Variants in FRMD3 observed in about 807,000 individuals in gnomAD.
The protein encoded by FRMD3 is FERM domain-containing protein 3.
FRMD3 carries 33 observed loss-of-function variants against 70.2 expected under a neutral mutation model. That is an observed-to-expected ratio of 0.47 (90% CI 0.36 to 0.63). The LOEUF (loss-of-function observed/expected upper bound fraction) is 0.63, where lower values mean the gene tolerates loss of function less well. FRMD3 is among the 20% of genes least tolerant of loss of function. The pLI, the probability that FRMD3 is intolerant of heterozygous loss-of-function variation, is 0.00. For missense variants in FRMD3, 632 were observed against 711.4 expected, an observed-to-expected ratio of 0.89 and a Z score of 1.27; for synonymous variants, 279 against 255.9, an observed-to-expected ratio of 1.09 and a Z score of -0.86.
intron 3 of FRMD3, among the ~76,000 whole-genome samples, chr9:83,350,185 C>G (rs1437806353): frequency 6.6e-6 from 1 of 152,120 alleles, no homozygotes; most frequent in Non-Finnish European, 1.5e-5. Flanking sequence ...AAAAAAATGT[C>G]ACTGCACATG....
At chr9:83,261,377 G>A (rs1587638145) in intron 13 of FRMD3, among the ~76,000 whole-genome samples, 1 of 151,994 alleles carries the variant, frequency 6.6e-6, no homozygotes. Flanking sequence ...TTGACACCAT[G>A]GTCAGTTGCT....
In FRMD3 at chr9:83,324,687, T is replaced by A. The variant is rs1016422786; in HGVS notation, c.596+10829A>T. Among the ~76,000 whole-genome samples the A allele has an allele frequency of 3.9e-5, 6 of 152,214 alleles. No homozygotes were observed. The East Asian group carries it at 1.2e-3, about 29-fold the overall frequency. ...TCCACAATTCCAAGCAGCATAACAT[T>A]TTTTATATTGCCAGGCATATACATA... On this transcript the variant is annotated intron_variant, in intron 6 of 13. Coordinates refer to ENST00000304195, the MANE Select transcript of FRMD3 (RefSeq NM_174938.6).
chr9:83,265,507 A>G (rs1245814048), intron 13 of FRMD3, among the ~76,000 whole-genome samples: 4 of 152,104 alleles, frequency 2.6e-5, no homozygotes, highest in African/African-American at 9.6e-5. Context: ...TAAAATATAA[A>G]GGATTAATAT....
chr9:83,495,373 G>C (rs917562352), intron 1 of FRMD3, among the ~76,000 whole-genome samples: 1 of 152,156 alleles, frequency 6.6e-6, no homozygotes, highest in African/African-American at 2.4e-5. Flanking sequence ...TGGTGCCCTT[G>C]GTAAGGGGAC....
intron 1 of FRMD3, among the ~76,000 whole-genome samples, chr9:83,445,379 T>TAGATAGATAGATAGATAGAC (rs1554706371): frequency 1.6e-4 from 24 of 150,976 alleles, no homozygotes; most frequent in East Asian, 3.9e-4. Flanking sequence ...GATAGATAGA[T>TAGATAGATAGATAGATAGAC]AGACAGATAG....
chr9:83,492,177 C>T (rs1046034692), intron 1 of FRMD3, among the ~76,000 whole-genome samples: 1 of 152,132 alleles, frequency 6.6e-6, no homozygotes, highest in Non-Finnish European at 1.5e-5. Flanking sequence ...CATTAATGTC[C>T]TAACAGAGGA....
At chr9:83,473,224 C>T (rs1453243788) in intron 1 of FRMD3, among the ~76,000 whole-genome samples, 1 of 152,156 alleles carries the variant, frequency 6.6e-6, no homozygotes, top group Non-Finnish European at 1.5e-5. Context: ...GCCCCTGGCC[C>T]ACCTTGCCTC....
intron 6 of FRMD3, among the ~76,000 whole-genome samples, chr9:83,329,771 C>T (rs1400938000): frequency 6.6e-6 from 1 of 152,126 alleles, no homozygotes; most frequent in East Asian, 1.9e-4. Context: ...TGCTTTACTG[C>T]CAATTGAGCC....
Position 83,469,531 on chromosome 9 carries a change from T to C in FRMD3, c.147+68554A>G, listed in dbSNP as rs191625062. 1.4e-3 allele frequency among the ~76,000 whole-genome samples: 212 copies of C among 152,368 alleles called. 1 individual carries two copies. The highest frequency in any genetic ancestry group is 4.9e-3 in the African/African-American group (205 of 41,594). On this transcript the variant is annotated intron_variant, in intron 1 of 13. Transcript: ENST00000304195. ...TGCCTGGTGAGAAAAAGGAGTCATC[T>C]CTTATTCATGAGGCTATCACTCACT...
At chr9:83,459,858 T>G (rs1042194886) in intron 1 of FRMD3, among the ~76,000 whole-genome samples, 1 of 152,236 alleles carries the variant, frequency 6.6e-6, no homozygotes, top group Non-Finnish European at 1.5e-5. Context: ...GCCAGTAGGA[T>G]GGGGGCCTGG....
chr9:83,303,784 T>TA (rs1174212387), intron 10 of FRMD3, among the ~76,000 whole-genome samples: 2 of 152,148 alleles, frequency 1.3e-5, no homozygotes, highest in African/African-American at 4.8e-5. Context: ...TTCATGAAGT[T>TA]AAAAAAAGAA....
chr9:83,489,606 A>G (rs1346737482), intron 1 of FRMD3, among the ~76,000 whole-genome samples: 2 of 152,162 alleles, frequency 1.3e-5, no homozygotes, highest in African/African-American at 4.8e-5. Flanking sequence ...ATCAAAAAAT[A>G]ACAGATGCTA....
intron 2 of FRMD3, among the ~76,000 whole-genome samples, chr9:83,381,842 G>C (rs1825365514): frequency 6.6e-6 from 1 of 151,994 alleles, no homozygotes; most frequent in African/African-American, 2.4e-5. Flanking sequence ...GATCTACATG[G>C]ATCTCTTTCA....
intron 1 of FRMD3, among the ~76,000 whole-genome samples, chr9:83,487,242 G>C (rs968793420): frequency 6.6e-6 from 1 of 152,104 alleles, no homozygotes; most frequent in South Asian, 2.1e-4. Flanking sequence ...ATTATAAAAG[G>C]CCACTGAAAA....
intron 3 of FRMD3, among the ~76,000 whole-genome samples, chr9:83,369,576 CAAAATAAATAAATAAA>C (rs1824902676): frequency 1.0e-5 from 1 of 99,726 alleles, no homozygotes; most frequent in African/African-American, 3.8e-5. Context: ...GACTCTGTCT[CAAAATAAATAAATAAA>C]TAAATAAATA....
At chr9:83,421,792 G>C (rs1826650884) in intron 1 of FRMD3, among the ~76,000 whole-genome samples, 2 of 152,220 alleles carry the variant, frequency 1.3e-5, no homozygotes, top group Non-Finnish European at 2.9e-5. Flanking sequence ...CAAATGTTCT[G>C]TAGGCCTTAT....
At chr9:83,535,079 G>A (rs1398662230) in intron 1 of FRMD3, among the ~76,000 whole-genome samples, 2 of 152,192 alleles carry the variant, frequency 1.3e-5, no homozygotes, top group African/African-American at 4.8e-5. Flanking sequence ...TCTTTTTAGA[G>A]ATGTGGCCTT....
At chr9:83,319,981 T>G (rs1221992613) in intron 6 of FRMD3, among the ~76,000 whole-genome samples, 1 of 152,350 alleles carries the variant, frequency 6.6e-6, no homozygotes, top group Non-Finnish European at 1.5e-5. Flanking sequence ...TGTATAATAA[T>G]ACTACCGATT....
chr9:83,312,769 C>T (rs1835413425), intron 7 of FRMD3, among the ~76,000 whole-genome samples: 1 of 152,012 alleles, frequency 6.6e-6, no homozygotes, highest in East Asian at 2.0e-4. Flanking sequence ...CTGCGCCCCG[C>T]CCCGCCCTCC....
Sources: allele counts gnomAD v4.1 joint callset (sites outside exome capture counted in the v4.1 genomes callset), GRCh38; gene constraint gnomAD v4.1.1; transcripts MANE v1.5; gene names NCBI Gene and HGNC (gene_info 2026-07-23, HGNC 2026-07-21).